TRPS1: variants seen among roughly 807,000 people sequenced by gnomAD.
TRPS1 encodes zinc finger transcription factor Trps1.
A neutral mutation model predicts 101.2 loss-of-function variants in TRPS1; 6 were observed. The observed-to-expected ratio is 0.06, with a 90% CI of 0.03 to 0.12. The LOEUF (loss-of-function observed/expected upper bound fraction) is 0.12, where lower values mean the gene tolerates loss of function less well. TRPS1 is among the 10% of genes least tolerant of loss of function. The pLI, the probability that TRPS1 is intolerant of heterozygous loss-of-function variation, is 1.00. For missense variants in TRPS1, 1,363 were observed against 1,567.0 expected, an observed-to-expected ratio of 0.87 and a Z score of 2.20; for synonymous variants, 578 against 589.8, an observed-to-expected ratio of 0.98 and a Z score of 0.29.
intron 1 of TRPS1, among the ~76,000 whole-genome samples, chr8:115,642,169 G>T (rs1006794417): frequency 6.6e-6 from 1 of 150,636 alleles, no homozygotes; most frequent in East Asian, 2.0e-4. Flanking sequence ...AGCTATGATC[G>T]CACCACAGGA....
chr8:115,470,302 C>T (rs1432797605), intron 5 of TRPS1, among the ~76,000 whole-genome samples: 1 of 152,128 alleles, frequency 6.6e-6, no homozygotes, highest in East Asian at 1.9e-4. Flanking sequence ...CAAAATAATT[C>T]TATGCAAGAT....
intron 5 of TRPS1, among the ~76,000 whole-genome samples, chr8:115,585,246 C>A (rs1186036444): frequency 1.3e-5 from 2 of 152,096 alleles, no homozygotes; most frequent in African/African-American, 4.8e-5. Flanking sequence ...TTGAGAAAAA[C>A]AACTTTTTAG....
chr8:115,454,030 C>G (rs1479128612), intron 5 of TRPS1, among the ~76,000 whole-genome samples: 1 of 152,132 alleles, frequency 6.6e-6, no homozygotes, highest in African/African-American at 2.4e-5. Context: ...TAGATAAATG[C>G]CTGAGTTTCA....
At chr8:115,473,530 C>T (rs1171258596) in intron 5 of TRPS1, among the ~76,000 whole-genome samples, 2 of 152,104 alleles carry the variant, frequency 1.3e-5, no homozygotes, top group African/African-American at 4.8e-5. Flanking sequence ...ACATCAGTTT[C>T]CCTGTCAAAA....
At chr8:115,602,139 G>C (rs909117794) in intron 4 of TRPS1, among the ~76,000 whole-genome samples, 48 of 152,190 alleles carry the variant, frequency 3.2e-4, no homozygotes, top group African/African-American at 1.1e-3. Flanking sequence ...ATCAGAATGA[G>C]TGCGTGTGCG....
chr8:115,533,443 T>TTTTTTTGTTTTG (rs1563580710), intron 5 of TRPS1, among the ~76,000 whole-genome samples: 1 of 129,358 alleles, frequency 7.7e-6, no homozygotes, highest in African/African-American at 3.1e-5. Flanking sequence ...TCTGTTTTTT[T>TTTTTTTGTTTTG]TTTTTTTTTT....
chr8:115,418,574 C>T lies in TRPS1; in HGVS notation c.2701-122G>A. On this transcript the variant is annotated intron_variant, in intron 5 of 6. Transcript: ENST00000395715. This position sits in a 1 kb window ranked among gnomAD's most constrained non-coding sequence, Gnocchi z 4.3. ...AATGACAGTATAAAACCACACTGCC[C>T]ATAATGAGGTCAGGTTCAATTGTGT... The T allele has an allele frequency of 7.5e-7, 1 of 1,332,776 alleles. No homozygotes were observed. The highest frequency in any genetic ancestry group is 1.1e-6 in the Non-Finnish European group (1 of 935,052). The allele number at this position is 1,332,776 out of a possible 1,614,324, so 82.6% of individuals were successfully genotyped here. A position where few individuals can be genotyped will look rare whatever the true frequency, so the allele number is the denominator to read the frequency against.
chr8:115,650,038 GCCACT>G (rs1811525018), intron 1 of TRPS1, among the ~76,000 whole-genome samples: 1 of 152,146 alleles, frequency 6.6e-6, no homozygotes, highest in Non-Finnish European at 1.5e-5. Context: ...TTATGAAATG[GCCACT>G]AGGGCTACCA....
intron 5 of TRPS1, among the ~76,000 whole-genome samples, chr8:115,557,047 G>A (rs1816837295): frequency 6.6e-6 from 1 of 152,100 alleles, no homozygotes; most frequent in Non-Finnish European, 1.5e-5. Flanking sequence ...TGGAAGGCAA[G>A]GAGAAGCAAG....
At position 115,542,174 on chromosome 8, in the gene TRPS1, C is replaced by T. The variant is rs971295063; in HGVS notation, c.2700+44827G>A. On this transcript the variant is annotated intron_variant, in intron 5 of 6. Coordinates refer to ENST00000395715, the MANE Select transcript of TRPS1 (RefSeq NM_014112.5). ...GTTGGCAATTTACAATTCAAATGAG[C>T]GCCTTGATTTTTCAAAGAATGGACT... is the stretch of plus-strand genomic sequence containing the variant. Among the ~76,000 whole-genome samples, 8 of 152,182 alleles carry T rather than the reference C, an allele frequency of 5.3e-5. No individual in the cohort carries two copies. In the East Asian group the frequency reaches 1.5e-3, roughly 29 times the overall value.
At chr8:115,439,332 T>TA (rs1329106595) in intron 5 of TRPS1, among the ~76,000 whole-genome samples, 1 of 152,158 alleles carries the variant, frequency 6.6e-6, no homozygotes. Context: ...TCAAGGGATT[T>TA]AAAAGAGGAT....
intron 3 of TRPS1, among the ~76,000 whole-genome samples, chr8:115,611,268 G>A (rs1818157727): frequency 6.6e-6 from 1 of 152,114 alleles, no homozygotes; most frequent in Non-Finnish European, 1.5e-5. Context: ...GGTGCTGCTG[G>A]TTCATAATGG....
At chr8:115,582,559 C>T (rs903814834) in intron 5 of TRPS1, among the ~76,000 whole-genome samples, 8 of 152,146 alleles carry the variant, frequency 5.3e-5, no homozygotes, top group African/African-American at 7.2e-5. Context: ...GCCTGACAAA[C>T]GTTAATTAAC....
intron 5 of TRPS1, among the ~76,000 whole-genome samples, chr8:115,528,202 T>C (rs928847412): frequency 6.6e-6 from 1 of 152,078 alleles, no homozygotes; most frequent in African/African-American, 2.4e-5. Context: ...TCTATAATAA[T>C]TTGCAAGCTG....
Position 115,604,407 on chromosome 8 carries a change from T to C in TRPS1, c.1562A>G (p.Lys521Arg). 1 of 1,614,070 alleles carries C rather than the reference T, an allele frequency of 6.2e-7. No individual in the cohort carries two copies. The highest frequency in any genetic ancestry group is 1.1e-5 in the South Asian group (1 of 91,082). The change falls in exon 4 of 7, where the codon AAG (lysine) becomes AGG (arginine). Residue 521 changes from lysine to arginine, a missense_variant. Transcript: ENST00000395715. This position sits in a 1 kb window ranked among gnomAD's most constrained non-coding sequence, Gnocchi z 4.1. ...TDKSSSGAKKKDFSSKGAEDN... is the reference protein window; with the variant it reads ...TDKSSSGAKKRDFSSKGAEDN... The stretch of plus-strand genomic sequence containing the variant: ...CTCGGCTCCCTTGCTGGAGAAGTCC[T>C]TCTTTTTAGCCCCACTCGAGCTCTT...
At chr8:115,423,205 A>C (rs1239236049) in intron 5 of TRPS1, among the ~76,000 whole-genome samples, 2 of 152,230 alleles carry the variant, frequency 1.3e-5, no homozygotes, top group Non-Finnish European at 2.9e-5. Context: ...CAATTCGAGA[A>C]AATGATTGTT....
chr8:115,546,571 T>C (rs1816577828), intron 5 of TRPS1, among the ~76,000 whole-genome samples: 1 of 194 alleles, frequency 5.2e-3, no homozygotes, highest in Admixed American at 0.083. Flanking sequence ...CTCTCTGGCA[T>C]GTAAAATGTG....
chr8:115,607,204 A>T (rs905378547), intron 3 of TRPS1, among the ~76,000 whole-genome samples: 2 of 152,306 alleles, frequency 1.3e-5, no homozygotes, highest in Non-Finnish European at 1.5e-5. Context: ...AAGTGGATTT[A>T]AATTATTACT....
At chr8:115,644,149 C>A (rs1174428945) in intron 1 of TRPS1, among the ~76,000 whole-genome samples, 1 of 152,186 alleles carries the variant, frequency 6.6e-6, no homozygotes, top group African/African-American at 2.4e-5. Context: ...GTCCCAGAAT[C>A]TTTGGAATGC....
Sources: allele counts gnomAD v4.1 joint callset (sites outside exome capture counted in the v4.1 genomes callset), GRCh38; gene constraint gnomAD v4.1.1; non-coding constraint Gnocchi (gnomAD v3.1); transcripts MANE v1.5; gene names NCBI Gene and HGNC (gene_info 2026-07-23, HGNC 2026-07-21).